The following FAM81B variants were observed in gnomAD, a reference collection of about 807,000 sequenced individuals.
The protein encoded by FAM81B is family with sequence similarity 81 member B.
Under a neutral mutation model 58.7 loss-of-function variants are expected in FAM81B, and 60 were observed. The observed-to-expected ratio is 1.02, with a 90% CI of 0.83 to 1.27. FAM81B has a LOEUF of 1.27. FAM81B is among the 50% of genes most tolerant of loss of function. FAM81B has a pLI of 0.00. For synonymous variants in FAM81B, 189 were observed against 179.6 expected (o/e 1.05, Z -0.42); for missense variants, 491 against 522.0 (o/e 0.94, Z 0.58).
chr5:95,435,958 T>C (rs1458664504), intron 6 of FAM81B, among the ~76,000 whole-genome samples: 1 of 152,186 alleles, frequency 6.6e-6, no homozygotes, highest in Non-Finnish European at 1.5e-5. Flanking sequence ...ATCCTTCCGT[T>C]ACTCCCCTCT....
At chr5:95,394,022 C>G (rs138615998) in intron 2 of FAM81B, among the ~76,000 whole-genome samples, 5 of 152,084 alleles carry the variant, frequency 3.3e-5, no homozygotes, top group African/African-American at 1.2e-4. Flanking sequence ...GTCTTAGATA[C>G]CTAAAAATTA....
rs543698860 is a variant in FAM81B at position 95,439,755 on chromosome 5, C to T, written c.893+2849C>T. ...ATATTAGGATTTTGAGGTACATATACATTTAAAAATGAAGTAGATAATGTA... is the reference window on the plus strand; with the variant it reads ...ATATTAGGATTTTGAGGTACATATATATTTAAAAATGAAGTAGATAATGTA... On this transcript the variant is annotated intron_variant, in intron 7 of 9. Transcript: ENST00000283357. Among the ~76,000 whole-genome samples, 6 of 152,014 alleles carry T rather than the reference C, an allele frequency of 3.9e-5. 1 individual carries two copies. The South Asian group carries it at 1.3e-3, about 32-fold the overall frequency.
intron 9 of FAM81B, chr5:95,448,693 ATTTTTT>A (rs56864403): frequency 3.1e-5 from 12 of 391,850 alleles, no homozygotes; most frequent in African/African-American, 4.6e-5. Flanking sequence ...ATTGGTGTGA[ATTTTTT>A]TTTTTTTTTT....
intron 6 of FAM81B, among the ~76,000 whole-genome samples, chr5:95,434,540 C>T (rs948432798): frequency 1.3e-5 from 2 of 152,210 alleles, no homozygotes; most frequent in African/African-American, 2.4e-5. Context: ...CCCCCTTTTA[C>T]TTTAATTACA....
At chr5:95,426,428 A>G (rs1393792888) in intron 5 of FAM81B, among the ~76,000 whole-genome samples, 1 of 152,010 alleles carries the variant, frequency 6.6e-6, no homozygotes, top group Non-Finnish European at 1.5e-5. Context: ...GGGAGGTGAA[A>G]ATGAATAGGC....
intron 2 of FAM81B, among the ~76,000 whole-genome samples, chr5:95,395,419 G>A (rs1467983885): frequency 1.2e-4 from 18 of 147,996 alleles, no homozygotes; most frequent in Admixed American, 4.1e-4. Context: ...CTCCAGCCTG[G>A]GCGACAGAGC....
intron 7 of FAM81B, among the ~76,000 whole-genome samples, chr5:95,443,965 A>T (rs558279299): frequency 2.6e-5 from 4 of 152,286 alleles, no homozygotes; most frequent in African/African-American, 9.6e-5. Context: ...TTTATTTGTT[A>T]TACAGTAAAG....
At chr5:95,439,987 C>A (rs978165251) in intron 7 of FAM81B, 1 of 346,670 alleles carries the variant, frequency 2.9e-6, no homozygotes, top group African/African-American at 2.2e-5. Context: ...CCACTGCATG[C>A]CAGCCTGGAT....
chr5:95,450,133 T>A lies in FAM81B; in HGVS notation c.1226-16T>A. ...ATGCATTGTTTAAGTGTACCTATTCTTTTACCCTCTTACAGGATTTAAATC... is the reference window on the plus strand; with the variant it reads ...ATGCATTGTTTAAGTGTACCTATTCATTTACCCTCTTACAGGATTTAAATC... On this transcript the variant is annotated splice_polypyrimidine_tract_variant and intron_variant, in intron 9 of 9. Coordinates refer to ENST00000283357, the MANE Select transcript of FAM81B (RefSeq NM_152548.3). The A allele has an allele frequency of 6.3e-7, 1 of 1,599,406 alleles. No homozygotes were observed. The highest frequency in any genetic ancestry group is 1.1e-5 in the South Asian group (1 of 87,364).
chr5:95,405,238 G>A (rs1057127899), intron 3 of FAM81B, among the ~76,000 whole-genome samples: 1 of 152,170 alleles, frequency 6.6e-6, no homozygotes, highest in East Asian at 1.9e-4. Flanking sequence ...TTGTTGGAAT[G>A]ATGAGAAAAT....
Position 95,414,067 on chromosome 5 carries a change from C to T in FAM81B, c.414C>T (p.Asp138=), listed in dbSNP as rs1169470179. ...LLEQAFRIKE[D]ISACLQGTHG... ...AACAAGCCTTCCGCATCAAGGAGGACATCTCTGCTTGCCTGCAGGGGACCC... is the reference window on the plus strand; with the variant it reads ...AACAAGCCTTCCGCATCAAGGAGGATATCTCTGCTTGCCTGCAGGGGACCC... Residue 138 remains aspartate (D), a synonymous_variant, in exon 4 of 10, where the codon GAC becomes GAT. Transcript: ENST00000283357. 1.9e-6 allele frequency: 3 copies of T among 1,613,970 alleles called. No homozygotes were observed. Among genetic ancestry groups the T allele is most frequent in the Non-Finnish European group, 2.5e-6 (3 of 1,180,018 alleles).
At chr5:95,409,888 A>G (rs1470892710) in intron 3 of FAM81B, among the ~76,000 whole-genome samples, 3 of 152,252 alleles carry the variant, frequency 2.0e-5, no homozygotes, top group African/African-American at 7.2e-5. Context: ...GAGATACTTG[A>G]TATCAAATTG....
In FAM81B at chr5:95,420,299, A is replaced by G. The variant is rs1229920500; in HGVS notation, c.553A>G (p.Ile185Val). 1.9e-6 allele frequency: 3 copies of G among 1,613,624 alleles called. No individual in the cohort carries two copies. The highest frequency in any genetic ancestry group is 3.3e-5 in the Admixed American group (2 of 59,988). The change falls in exon 5 of 10, where the codon ATA (isoleucine) becomes GTA (valine). Residue 185 changes from isoleucine to valine, a missense_variant. Transcript: ENST00000283357. ...SQNIEILEDQIRARDQAATGT... is the reference protein window; with the variant it reads ...SQNIEILEDQVRARDQAATGT... ...AAAATTACAGATTTTAGAAGACCAA[A>G]TAAGAGCTCGAGATCAGGCGGCCAC...
chr5:95,420,574 G>C (rs62365044), intron 5 of FAM81B, among the ~76,000 whole-genome samples, 172 bp downstream of exon 5: 39,573 of 151,984 alleles, frequency 0.26, 6,293 homozygotes, highest in African/African-American at 0.45. Context: ...TCACGCTAGC[G>C]GTGAGATTCA....
At chr5:95,401,757 T>A (rs1762119978) in intron 3 of FAM81B, among the ~76,000 whole-genome samples, 1 of 152,168 alleles carries the variant, frequency 6.6e-6, no homozygotes, top group South Asian at 2.1e-4. Flanking sequence ...GTTACCAGAA[T>A]CTCCCCAGTA....
intron 3 of FAM81B, among the ~76,000 whole-genome samples, chr5:95,409,223 A>G (rs888554629): frequency 2.0e-5 from 3 of 152,118 alleles, no homozygotes; most frequent in Non-Finnish European, 4.4e-5. Context: ...TGGTACCTCA[A>G]TCTCGGCTCA....
intron 3 of FAM81B, among the ~76,000 whole-genome samples, chr5:95,401,435 G>A (rs1293327642): frequency 6.6e-6 from 1 of 152,112 alleles, no homozygotes; most frequent in African/African-American, 2.4e-5. Flanking sequence ...AGCAGTGGAA[G>A]TCTCTCCAGC....
At chr5:95,401,342 G>A (rs1447624035) in intron 3 of FAM81B, among the ~76,000 whole-genome samples, 1 of 152,018 alleles carries the variant, frequency 6.6e-6, no homozygotes, top group South Asian at 2.1e-4. Flanking sequence ...CTGTTGGCCT[G>A]GTGTACTTCC....
chr5:95,400,433 T>TACATAC (rs778492178), intron 3 of FAM81B, among the ~76,000 whole-genome samples: 35 of 138,070 alleles, frequency 2.5e-4, no homozygotes, highest in East Asian at 6.0e-4. Context: ...CATACATACA[T>TACATAC]ACACACACAC....
Sources: gnomAD v4.1 joint callset for allele counts (sites outside exome capture counted in the v4.1 genomes callset) on GRCh38, gnomAD v4.1.1 for gene constraint, MANE v1.5 for transcripts, NCBI Gene and HGNC (gene_info 2026-07-23, HGNC 2026-07-21) for gene names.